RAB5B: variants seen among roughly 807,000 people sequenced by gnomAD.
RAB5B encodes the protein ras-related protein Rab-5B.
RAB5B carries 11 observed loss-of-function variants against 28.6 expected under a neutral mutation model. The observed-to-expected ratio is 0.38, with a 90% CI of 0.24 to 0.64. The LOEUF (loss-of-function observed/expected upper bound fraction) is 0.64, where lower values mean the gene tolerates loss of function less well. Ranked by LOEUF, RAB5B falls within the 30% of genes least tolerant of loss-of-function variation. The pLI, the probability that RAB5B is intolerant of heterozygous loss-of-function variation, is 0.53. For missense variants in RAB5B, 169 were observed against 265.6 expected, an observed-to-expected ratio of 0.64 and a Z score of 2.53; for synonymous variants, 93 against 97.9, an observed-to-expected ratio of 0.95 and a Z score of 0.29.
intron 2 of RAB5B, 140 bp downstream of exon 2, chr12:55,987,263 C>A: frequency 2.5e-6 from 2 of 785,574 alleles, no homozygotes; most frequent in Non-Finnish European, 4.0e-6. Flanking sequence ...CAGGTTCGAG[C>A]GATTCTCATG....
intron 1 of RAB5B, among the ~76,000 whole-genome samples, chr12:55,983,520 A>G (rs1889865400): frequency 6.6e-6 from 1 of 152,208 alleles, no homozygotes; most frequent in African/African-American, 2.4e-5. Context: ...TGACTGACCA[A>G]GGGGACTACA....
At position 55,980,757 on chromosome 12, in the gene RAB5B, C is replaced by A. The variant is rs377645083; in HGVS notation, c.-92-6112C>A. 8.3e-5 allele frequency: 131 copies of A among 1,579,902 alleles called. No homozygotes were observed. In the African/African-American group the frequency reaches 1.5e-3, roughly 19 times the overall value. ...TTCTGAATATTCTCGAAAGATTTCT[C>A]ATCCGTGATGTCGTATGCTAGGATA... On this transcript the variant is annotated intron_variant, in intron 1 of 5. Transcript: ENST00000360299.
At chr12:55,984,185 ATT>A (rs550936650) in intron 1 of RAB5B, among the ~76,000 whole-genome samples, 52 of 135,356 alleles carry the variant, frequency 3.8e-4, no homozygotes, top group Admixed American at 4.5e-4. Context: ...CACCCGGCTA[ATT>A]TTTTTTTTTT....
rs970530864 is a variant in RAB5B, at chr12:55,992,833, AGAGGT to A, written c.*625_*629del. On this transcript the variant is annotated 3_prime_UTR_variant, in exon 6 of 6. Transcript: ENST00000360299. ...GGCCTTGTGGAGGGTGTTCCTAGGT[AGAGGT>A]GAGAATGGGGAGGCAAGATCTCAGG... is the stretch of plus-strand genomic sequence containing the variant. 1.4e-5 allele frequency: 4 copies of A among 280,006 alleles called. No individual in the cohort carries two copies. The highest frequency in any genetic ancestry group is 2.0e-5 in the Non-Finnish European group (3 of 147,248). The allele number at this position is 280,006 out of a possible 1,614,324, so 17.3% of individuals were successfully genotyped here. A position where few individuals can be genotyped will look rare whatever the true frequency, so the allele number is the denominator to read the frequency against.
At position 55,996,003 on chromosome 12, in the gene RAB5B, A is replaced by ATATTTTTTTTT; in HGVS notation, c.*3792_*3793insATTTTTTTTTT. ...TATATACATATATATATATATATAT[A>ATATTTTTTTTT]TTTTTTTTTTAACAACTGGTAGGAT... On this transcript the variant is annotated 3_prime_UTR_variant, in exon 6 of 6. Coordinates refer to ENST00000360299, the MANE Select transcript of RAB5B (RefSeq NM_002868.4). The ATATTTTTTTTT allele has an allele frequency of 5.1e-5, 5 of 97,410 alleles. No individual in the cohort carries two copies. The highest frequency in any genetic ancestry group is 9.9e-5 in the Non-Finnish European group (5 of 50,484). The allele number at this position is 97,410 out of a possible 1,614,324, so 6.0% of individuals were successfully genotyped here.
intron 1 of RAB5B, among the ~76,000 whole-genome samples, chr12:55,976,197 A>G (rs1331589017): frequency 6.6e-6 from 1 of 152,146 alleles, no homozygotes; most frequent in Non-Finnish European, 1.5e-5. Context: ...AGCAAATCAG[A>G]CTAATCTTGC....
At chr12:55,991,056 A>T (rs1457522217) in intron 4 of RAB5B, 2 of 536,742 alleles carry the variant, frequency 3.7e-6, no homozygotes, top group Non-Finnish European at 6.6e-6. Flanking sequence ...GAAAACAGGA[A>T]GGAGGGAGCA....
chr12:55,975,337 A>G (rs896875720), intron 1 of RAB5B, among the ~76,000 whole-genome samples: 9 of 152,210 alleles, frequency 5.9e-5, no homozygotes, highest in Non-Finnish European at 7.3e-5. Flanking sequence ...GAAGAGTGAG[A>G]AATTCCATTT....
rs1890282206 is a variant in RAB5B, at chr12:55,995,982, TACA to T, written c.*3771_*3773del. 1 of 111,140 alleles carries T rather than the reference TACA, an allele frequency of 9.0e-6. No individual in the cohort carries two copies. Among genetic ancestry groups the T allele is most frequent in the African/African-American group, 3.9e-5 (1 of 25,656 alleles). 6.9% of individuals were successfully genotyped at this position (111,140 alleles called of 1,614,324 possible). ...CACTCTCTCTCTCTCCATATATATATACATATATATATATATATATATTTTTTT... is the reference window on the plus strand; with the variant it reads ...CACTCTCTCTCTCTCCATATATATATTATATATATATATATATATTTTTTT... On this transcript the variant is annotated 3_prime_UTR_variant, in exon 6 of 6. Transcript: ENST00000360299.
Position 55,990,047 on chromosome 12 carries a change from G to A in RAB5B, c.264G>A (p.Met88Ile). The stretch of plus-strand genomic sequence containing the variant: ...AGCGATATCACAGCTTAGCCCCCAT[G>A]TACTACAGGGGTGCCCAAGCTGCAA... ...GQERYHSLAP[M>I]YYRGAQAAIV... The change falls in exon 3 of 6, where the codon ATG becomes ATA. Residue 88 changes from methionine to isoleucine, a missense_variant. Physicochemically the swap from Met to Ile is conservative, Grantham distance 10. Coordinates refer to ENST00000360299, the MANE Select transcript of RAB5B (RefSeq NM_002868.4). The A allele has an allele frequency of 1.9e-6, 3 of 1,614,152 alleles. No homozygotes were observed. Among genetic ancestry groups the A allele is most frequent in the Non-Finnish European group, 2.5e-6 (3 of 1,180,008 alleles).
chr12:55,988,935 CTTTTTTTTTTTT>C (rs35994383), intron 2 of RAB5B, among the ~76,000 whole-genome samples: 5 of 94,680 alleles, frequency 5.3e-5, no homozygotes, highest in Admixed American at 1.3e-4. Context: ...CTAATTAATT[CTTTTTTTTTTTT>C]TTTTTTTTTT....
chr12:55,989,861 G>C, intron 2 of RAB5B, 86 bp from the exon 3 acceptor site: 1 of 1,464,008 alleles, frequency 6.8e-7, no homozygotes, highest in South Asian at 1.1e-5. Context: ...TCTTAGTGTA[G>C]GGCAGTTACA....
rs1252207881 is a variant in RAB5B, at chr12:55,993,933, A to G, written c.*1721A>G. The G allele has an allele frequency of 1.3e-5, 2 of 152,282 alleles. No homozygotes were observed. Among genetic ancestry groups the G allele is most frequent in the South Asian group, 2.1e-4 (1 of 4,818 alleles). The allele number at this position is 152,282 out of a possible 1,614,324, so 9.4% of individuals were successfully genotyped here. A position where few individuals can be genotyped will look rare whatever the true frequency, so the allele number is the denominator to read the frequency against. On this transcript the variant is annotated 3_prime_UTR_variant, in exon 6 of 6. Transcript: ENST00000360299. ...TGTTTTAAGATGTCTCTGAGAAGCC[A>G]TCAAGGCAAAAGAGAACTTTAAGTT... is the stretch of plus-strand genomic sequence containing the variant.
intron 1 of RAB5B, among the ~76,000 whole-genome samples, chr12:55,980,149 T>C (rs182723347): frequency 6.6e-6 from 1 of 152,294 alleles, no homozygotes; most frequent in Non-Finnish European, 1.5e-5. Flanking sequence ...AGGTAAGGTC[T>C]GAAGCCTGAG....
At chr12:55,987,344 GGA>G (rs1179090789) in intron 2 of RAB5B, among the ~76,000 whole-genome samples, 1 of 151,782 alleles carries the variant, frequency 6.6e-6, no homozygotes, top group African/African-American at 2.4e-5. Context: ...TATTTTTAGT[GGA>G]GAGGGGGTTT....
rs1378997389 is a variant in RAB5B at position 55,992,789 on chromosome 12, A to C, written c.*577A>C. 3.4e-6 allele frequency: 1 copy of C among 297,370 alleles called. No individual in the cohort carries two copies. Among genetic ancestry groups the C allele is most frequent in the African/African-American group, 2.3e-5 (1 of 42,622 alleles). The allele number at this position is 297,370 out of a possible 1,614,324, so 18.4% of individuals were successfully genotyped here. A position where few individuals can be genotyped will look rare whatever the true frequency, so the allele number is the denominator to read the frequency against. On this transcript the variant is annotated 3_prime_UTR_variant, in exon 6 of 6. Coordinates refer to ENST00000360299, the MANE Select transcript of RAB5B (RefSeq NM_002868.4). ...GTTGGAGTTTCTCATATTTGAAAAC[A>C]TTGCGGTATCCATGATTTGGCCTTG...
At chr12:55,991,954 G>T in intron 5 of RAB5B, 143 bp from the exon 6 acceptor site, 1 of 612,094 alleles carries the variant, frequency 1.6e-6, no homozygotes, top group Non-Finnish European at 2.9e-6. Context: ...TGCAAATAGT[G>T]AACCCTCCCA....
At chr12:55,991,122 A>G in intron 4 of RAB5B, 2 of 545,694 alleles carry the variant, frequency 3.7e-6, no homozygotes, top group South Asian at 2.3e-5. Context: ...CCCCCAACTA[A>G]CTTACCCTCT....
At chr12:55,987,422 C>G (rs1889983200) in intron 2 of RAB5B, among the ~76,000 whole-genome samples, 1 of 151,988 alleles carries the variant, frequency 6.6e-6, no homozygotes, top group African/African-American at 2.4e-5. Context: ...CCTCGGCCTC[C>G]CAAAGTGCTG....
Sources: gnomAD v4.1 joint callset for allele counts (sites outside exome capture counted in the v4.1 genomes callset) on GRCh38, gnomAD v4.1.1 for gene constraint, MANE v1.5 for transcripts, NCBI Gene and HGNC (gene_info 2026-07-23, HGNC 2026-07-21) for gene names.